SEH1L: variants seen among roughly 807,000 people sequenced by gnomAD.
The protein encoded by SEH1L is nucleoporin SEH1.
A neutral mutation model predicts 49.5 loss-of-function variants in SEH1L; 18 were observed. That is an observed-to-expected ratio of 0.36 (90% CI 0.25 to 0.54). SEH1L has a LOEUF of 0.54. Ranked by LOEUF, SEH1L falls within the 20% of genes least tolerant of loss-of-function variation. SEH1L has a pLI of 0.87. For synonymous variants in SEH1L, 169 were observed against 178.1 expected, an observed-to-expected ratio of 0.95 and a Z score of 0.41; for missense variants, 404 against 528.8, an observed-to-expected ratio of 0.76 and a Z score of 2.31.
intron 6 of SEH1L, among the ~76,000 whole-genome samples, chr18:12,980,990 G>T (rs557006262): frequency 6.6e-6 from 1 of 151,208 alleles, no homozygotes; most frequent in South Asian, 2.1e-4. Flanking sequence ...CAGACGGGGT[G>T]GCTGCCGGGC....
chr18:12,984,145 C>A lies in SEH1L; in HGVS notation c.1025C>A (p.Thr342Asn), dbSNP rs6505776. ...QGTSNPSLGS[T>N]IPSLQNSLNG... ...ACCTCAAATCCTTCCCTAGGTTCAA[C>A]TATTCCAAGTCTTCAGAATTCATTA... is the stretch of plus-strand genomic sequence containing the variant. Residue 342 changes from threonine to asparagine, a missense_variant, in exon 8 of 9, where the codon ACT becomes AAT. This residue lies in a region of SEH1L where 342 missense variants were observed against 430.8 expected (regional missense o/e 0.79). Coordinates refer to ENST00000399892, the MANE Select transcript of SEH1L (RefSeq NM_001013437.2). 0.64 allele frequency: 1,038,855 copies of A among 1,612,740 alleles called. 340,975 individuals are homozygous for A. The highest frequency in any genetic ancestry group is 0.94 in the African/African-American group (70,160 of 75,030).
intron 4 of SEH1L, among the ~76,000 whole-genome samples, chr18:12,968,986 A>T (rs1373159539): frequency 6.6e-6 from 1 of 152,138 alleles, no homozygotes; most frequent in Non-Finnish European, 1.5e-5. Context: ...TGAGGCGGGC[A>T]GATCACCTAA....
At chr18:12,950,174 C>T (rs1477382123) in intron 1 of SEH1L, among the ~76,000 whole-genome samples, 1 of 152,018 alleles carries the variant, frequency 6.6e-6, no homozygotes, top group African/African-American at 2.4e-5. Flanking sequence ...GCTGGGACTA[C>T]GAGTGCACGC....
At chr18:12,979,525 G>A (rs375654782) in intron 6 of SEH1L, among the ~76,000 whole-genome samples, 2 of 152,028 alleles carry the variant, frequency 1.3e-5, no homozygotes, top group Non-Finnish European at 1.5e-5. Flanking sequence ...ACCTTTCCCC[G>A]CTTTCTATTC....
intron 6 of SEH1L, among the ~76,000 whole-genome samples, chr18:12,981,641 A>G (rs993465061): frequency 6.6e-6 from 1 of 152,224 alleles, no homozygotes; most frequent in African/African-American, 2.4e-5. Context: ...ATATTCTCTT[A>G]ACTGTGCTTT....
At chr18:12,951,045 C>CT (rs1202213563) in intron 1 of SEH1L, among the ~76,000 whole-genome samples, 5 of 152,116 alleles carry the variant, frequency 3.3e-5, no homozygotes, top group Non-Finnish European at 4.4e-5. Context: ...TTTGTAGATT[C>CT]TGTATTTTTT....
In SEH1L at chr18:12,955,576, A is replaced by G. The variant is rs764058717; in HGVS notation, c.276A>G (p.Glu92=). The part of the protein sequence containing the change: ...TAAVWEEIVG[E]SNDKLRGQSH... ...CTGTATGGGAAGAAATAGTAGGAGAATCAAATGATAAACTGCGAGGACAGA... is the reference window on the plus strand; with the variant it reads ...CTGTATGGGAAGAAATAGTAGGAGAGTCAAATGATAAACTGCGAGGACAGA... Residue 92 remains glutamate (E), a synonymous_variant, in exon 3 of 9, where the codon GAA becomes GAG. Transcript: ENST00000399892. 8 of 1,614,032 alleles carry G rather than the reference A, an allele frequency of 5.0e-6. No individual in the cohort carries two copies. The African/African-American group carries it at 5.3e-5, about 11-fold the overall frequency.
chr18:12,949,443 T>TTTTTTG (rs1491182956), intron 1 of SEH1L, among the ~76,000 whole-genome samples: 7 of 40,206 alleles, frequency 1.7e-4, no homozygotes, highest in African/African-American at 1.0e-3. Context: ...ACGTTAACCG[T>TTTTTTG]TTTTTTTTTT....
chr18:12,965,819 T>TG (rs2145631687), intron 4 of SEH1L, among the ~76,000 whole-genome samples: 1 of 152,308 alleles, frequency 6.6e-6, no homozygotes, highest in Admixed American at 6.5e-5. Context: ...GCTTTATTGT[T>TG]GGAGTGCTTT....
intron 6 of SEH1L, among the ~76,000 whole-genome samples, chr18:12,979,736 C>T (rs1479778689): frequency 3.5e-5 from 5 of 140,994 alleles, no homozygotes; most frequent in Admixed American, 1.4e-4. Flanking sequence ...GGCGGCTGGC[C>T]GGGCGGGGGG....
chr18:12,961,441 G>T (rs1302560890), intron 3 of SEH1L, among the ~76,000 whole-genome samples: 1 of 152,160 alleles, frequency 6.6e-6, no homozygotes, highest in African/African-American at 2.4e-5. Flanking sequence ...CATTCCTGGT[G>T]GGGTGGGGTC....
chr18:12,971,276 ATTGTTC>A (rs2031688619), intron 5 of SEH1L, 25 bp downstream of exon 5: 3 of 1,322,900 alleles, frequency 2.3e-6, no homozygotes, highest in Non-Finnish European at 3.2e-6. Context: ...GGTTTTAATA[ATTGTTC>A]AGAATTGCAT....
At chr18:12,951,540 G>A (rs535817814) in intron 1 of SEH1L, among the ~76,000 whole-genome samples, 5 of 152,182 alleles carry the variant, frequency 3.3e-5, no homozygotes, top group South Asian at 4.1e-4. Context: ...ATAGGCATGC[G>A]GCACCATGCC....
intron 5 of SEH1L, among the ~76,000 whole-genome samples, chr18:12,975,131 C>T (rs1449290908): frequency 6.6e-6 from 1 of 151,718 alleles, no homozygotes; most frequent in Non-Finnish European, 1.5e-5. Context: ...TAGCTGGGAT[C>T]ACAGGCATGT....
At chr18:12,980,894 G>A (rs1247965648) in intron 6 of SEH1L, among the ~76,000 whole-genome samples, 3 of 146,330 alleles carry the variant, frequency 2.1e-5, no homozygotes, top group Non-Finnish European at 4.5e-5. Flanking sequence ...CCTCCCTTCC[G>A]GACGGGGCGG....
intron 3 of SEH1L, among the ~76,000 whole-genome samples, chr18:12,958,535 C>G (rs988424301): frequency 6.6e-6 from 1 of 152,170 alleles, no homozygotes; most frequent in African/African-American, 2.4e-5. Flanking sequence ...TTCCTCCTCC[C>G]TCTACCCCCT....
intron 1 of SEH1L, among the ~76,000 whole-genome samples, chr18:12,950,592 T>C (rs2030462080): frequency 1.3e-5 from 2 of 152,234 alleles, no homozygotes; most frequent in African/African-American, 4.8e-5. Context: ...TTCATTAGTT[T>C]AGCATTTTAT....
intron 4 of SEH1L, among the ~76,000 whole-genome samples, chr18:12,970,579 C>T (rs2031655947): frequency 6.6e-6 from 1 of 152,172 alleles, no homozygotes; most frequent in African/African-American, 2.4e-5. Flanking sequence ...GCCACCACAC[C>T]AGGCTAATTA....
chr18:12,970,517 C>T (rs773359900), intron 4 of SEH1L, among the ~76,000 whole-genome samples: 1 of 152,152 alleles, frequency 6.6e-6, no homozygotes, highest in African/African-American at 2.4e-5. Flanking sequence ...AACTCCTGGG[C>T]GCAAGTGATC....
Sources: gnomAD v4.1 joint callset for allele counts (sites outside exome capture counted in the v4.1 genomes callset) on GRCh38, gnomAD v4.1.1 for gene constraint, gnomAD v4.1.1 regional missense constraint, MANE v1.5 for transcripts, NCBI Gene and HGNC (gene_info 2026-07-23, HGNC 2026-07-21) for gene names.